Variants in KCNN2 observed in about 807,000 individuals in gnomAD.
The protein encoded by KCNN2 is small conductance calcium-activated potassium channel protein 2.
Under a neutral mutation model 55.5 loss-of-function variants are expected in KCNN2, and 24 were observed. That is an observed-to-expected ratio of 0.43 (90% CI 0.31 to 0.61). KCNN2 has a LOEUF of 0.61. KCNN2 is among the 20% of genes least tolerant of loss of function. KCNN2 has a pLI of 0.08. For missense variants in KCNN2, 754 were observed against 853.6 expected, an observed-to-expected ratio of 0.88 and a Z score of 1.45; for synonymous variants, 431 against 336.1, an observed-to-expected ratio of 1.28 and a Z score of -3.09.
At chr5:114,304,153 G>C (rs1756221237) in intron 2 of KCNN2, among the ~76,000 whole-genome samples, 1 of 152,170 alleles carries the variant, frequency 6.6e-6, no homozygotes, top group South Asian at 2.1e-4. Flanking sequence ...CCTGGTGGGA[G>C]GGATATAGAC....
At chr5:114,356,482 C>A (rs926867420) in intron 2 of KCNN2, among the ~76,000 whole-genome samples, 1 of 152,110 alleles carries the variant, frequency 6.6e-6, no homozygotes, top group Non-Finnish European at 1.5e-5. Context: ...TTAATTAACA[C>A]AAGTTCTACT....
At chr5:114,289,066 T>C (rs1018612690) in intron 2 of KCNN2, among the ~76,000 whole-genome samples, 2 of 152,200 alleles carry the variant, frequency 1.3e-5, no homozygotes, top group Non-Finnish European at 2.9e-5. Flanking sequence ...AACGTGGATA[T>C]ACAGTTTTAC....
At chr5:114,159,119 G>A (rs1456111166) in intron 1 of KCNN2, among the ~76,000 whole-genome samples, 1 of 152,188 alleles carries the variant, frequency 6.6e-6, no homozygotes, top group East Asian at 1.9e-4. Flanking sequence ...TGTCCATTCA[G>A]TATGATATTG....
At chr5:114,423,358 A>G (rs530391523) in intron 3 of KCNN2, among the ~76,000 whole-genome samples, 45 of 152,314 alleles carry the variant, frequency 3.0e-4, no homozygotes, top group African/African-American at 1.0e-3. Flanking sequence ...AAAAGACACA[A>G]GAAGAAAAAC....
chr5:114,208,513 C>A (rs1016626380), intron 1 of KCNN2, among the ~76,000 whole-genome samples: 3 of 152,152 alleles, frequency 2.0e-5, no homozygotes, highest in Non-Finnish European at 4.4e-5. Context: ...TATCTATCAA[C>A]CCATCTGTCT....
intron 2 of KCNN2, among the ~76,000 whole-genome samples, chr5:114,289,976 G>C (rs1223554323): frequency 6.6e-6 from 1 of 151,874 alleles, no homozygotes; most frequent in Non-Finnish European, 1.5e-5. Flanking sequence ...TTTATTGCTG[G>C]CATAAAAAAC....
At chr5:114,255,130 T>C (rs1754956496) in intron 2 of KCNN2, among the ~76,000 whole-genome samples, 1 of 152,188 alleles carries the variant, frequency 6.6e-6, no homozygotes. Context: ...TCATTTAATA[T>C]GTATAAGTTA....
intron 1 of KCNN2, among the ~76,000 whole-genome samples, chr5:114,121,491 G>T (rs947955647): frequency 6.6e-6 from 1 of 152,094 alleles, no homozygotes; most frequent in Non-Finnish European, 1.5e-5. Context: ...ACTGGCTCTT[G>T]CTTACCCATG....
intron 2 of KCNN2, among the ~76,000 whole-genome samples, chr5:114,356,242 C>T (rs764356455): frequency 6.6e-5 from 10 of 152,108 alleles, no homozygotes; most frequent in Non-Finnish European, 1.0e-4. Context: ...ACTTGTAAAA[C>T]GGAGTTGATG....
At chr5:114,168,223 T>G (rs2112539990) in intron 1 of KCNN2, among the ~76,000 whole-genome samples, 1 of 151,432 alleles carries the variant, frequency 6.6e-6, no homozygotes, top group Non-Finnish European at 1.5e-5. Context: ...GTATGATAAA[T>G]ACACACACAT....
At chr5:114,118,907 G>A (rs750100206) in intron 1 of KCNN2, among the ~76,000 whole-genome samples, 1 of 152,092 alleles carries the variant, frequency 6.6e-6, no homozygotes, top group African/African-American at 2.4e-5. Context: ...GGCAGGATAG[G>A]GGAGGGGATG....
At position 114,407,039 on chromosome 5, in the gene KCNN2, T is replaced by G. The variant is rs1758957569; in HGVS notation, c.1637+2183T>G. On this transcript the variant is annotated intron_variant, in intron 3 of 7. Transcript: ENST00000673685. ...GTCTGATGCCATGCTCCTTTTTTAT[T>G]TATTTTGTTTCTGGAGGCTTCTAGT... Among the ~76,000 whole-genome samples the G allele has an allele frequency of 2.6e-5, 4 of 152,046 alleles. No individual in the cohort carries two copies. In the South Asian group the frequency reaches 8.3e-4, roughly 32 times the overall value.
At chr5:114,148,313 T>C (rs1752446374) in intron 1 of KCNN2, among the ~76,000 whole-genome samples, 1 of 152,200 alleles carries the variant, frequency 6.6e-6, no homozygotes, top group Non-Finnish European at 1.5e-5. Flanking sequence ...CTCTTAAGTC[T>C]GTTACCATCC....
At chr5:114,166,349 G>A (rs1268424618) in intron 1 of KCNN2, among the ~76,000 whole-genome samples, 2 of 152,128 alleles carry the variant, frequency 1.3e-5, no homozygotes, top group East Asian at 1.9e-4. Flanking sequence ...TGTTTCTACT[G>A]TGTAGTAGAT....
intron 2 of KCNN2, among the ~76,000 whole-genome samples, chr5:114,258,453 G>A (rs1399208045): frequency 6.6e-6 from 1 of 152,080 alleles, no homozygotes; most frequent in African/African-American, 2.4e-5. Context: ...GAATTTGGCT[G>A]TGAATCCAAC....
At chr5:114,488,988 A>G (rs983889584) in intron 6 of KCNN2, 1 of 152,138 alleles carries the variant, frequency 6.6e-6, no homozygotes, top group African/African-American at 2.4e-5. Context: ...CACACATCCC[A>G]TTGCCTCCAG....
intron 1 of KCNN2, among the ~76,000 whole-genome samples, chr5:114,163,141 C>G (rs1397729069): frequency 6.6e-6 from 1 of 152,168 alleles, no homozygotes; most frequent in Non-Finnish European, 1.5e-5. Flanking sequence ...GCCATCTTGG[C>G]TCCACCCCTG....
intron 3 of KCNN2, among the ~76,000 whole-genome samples, chr5:114,444,511 T>C (rs1218103291): frequency 1.3e-5 from 2 of 151,896 alleles, no homozygotes; most frequent in Non-Finnish European, 2.9e-5. Context: ...AAAATTAAGA[T>C]TGGAGTGGCA....
At chr5:114,123,897 A>T (rs573225025) in intron 1 of KCNN2, among the ~76,000 whole-genome samples, 1 of 152,102 alleles carries the variant, frequency 6.6e-6, no homozygotes, top group Non-Finnish European at 1.5e-5. Flanking sequence ...ACTAATTGCA[A>T]TTGTGGGCTA....
Sources: gnomAD v4.1 joint callset for allele counts (sites outside exome capture counted in the v4.1 genomes callset) on GRCh38, gnomAD v4.1.1 for gene constraint, MANE v1.5 for transcripts, NCBI Gene and HGNC (gene_info 2026-07-23, HGNC 2026-07-21) for gene names.